The following ATP2B2 variants were observed in gnomAD, a reference collection of about 807,000 sequenced individuals.
The protein encoded by ATP2B2 is ATPase plasma membrane Ca2+ transporting 2, also known as plasma membrane calcium-transporting ATPase 2.
A neutral mutation model predicts 120.0 loss-of-function variants in ATP2B2; 15 were observed. The observed-to-expected ratio is 0.12, with a 90% CI of 0.08 to 0.19. ATP2B2 has a LOEUF of 0.19. Ranked by LOEUF, ATP2B2 falls within the 10% of genes least tolerant of loss-of-function variation. The probability of loss-of-function intolerance (pLI) is 1.00; values close to 1 mark genes in which losing one functional copy is unlikely to be tolerated. For synonymous variants in ATP2B2, 694 were observed against 700.3 expected, an observed-to-expected ratio of 0.99 and a Z score of 0.14; for missense variants, 1,045 against 1,719.8, an observed-to-expected ratio of 0.61 and a Z score of 6.94.
intron 1 of ATP2B2, among the ~76,000 whole-genome samples, chr3:10,669,983 T>A (rs1461625565): frequency 6.6e-6 from 1 of 152,222 alleles, no homozygotes; most frequent in Non-Finnish European, 1.5e-5. Context: ...AAGTCAGGCA[T>A]CTGGACTCAA....
At chr3:10,673,164 C>T (rs570501633) in intron 1 of ATP2B2, among the ~76,000 whole-genome samples, 1 of 152,292 alleles carries the variant, frequency 6.6e-6, no homozygotes, top group East Asian at 1.9e-4. Context: ...CCATCAGTTC[C>T]GTCACCATTG....
At chr3:10,623,963 T>C (rs1424650527) in intron 1 of ATP2B2, among the ~76,000 whole-genome samples, 1 of 152,046 alleles carries the variant, frequency 6.6e-6, no homozygotes, top group African/African-American at 2.4e-5. Flanking sequence ...GGGGCCCGAG[T>C]TTCCTTGTCT....
Position 10,449,367 on chromosome 3 carries a change from G to A in ATP2B2, c.177C>T (p.Arg59=), listed in dbSNP as rs761285927. 1.1e-5 allele frequency: 18 copies of A among 1,614,108 alleles called. No homozygotes were observed. Among genetic ancestry groups the A allele is most frequent in the Non-Finnish European group, 1.4e-5 (16 of 1,180,052 alleles). Reference sequence around the variant, plus strand: ...TACCTTCAACAGGTGAGGTTTTGAGGCGCCGGCAGATGGCTTCGGTGTCCC... The same window carrying A: ...TACCTTCAACAGGTGAGGTTTTGAGACGCCGGCAGATGGCTTCGGTGTCCC... ...TYGDTEAICR[R]LKTSPVEGLP... The change falls in exon 2 of 23, where the codon CGC becomes CGT. Residue 59 remains arginine, a synonymous_variant. Coordinates refer to ENST00000360273, the MANE Select transcript of ATP2B2 (RefSeq NM_001001331.4).
At chr3:10,583,193 T>C (rs928692793) in intron 2 of ATP2B2, among the ~76,000 whole-genome samples, 4 of 152,220 alleles carry the variant, frequency 2.6e-5, no homozygotes, top group African/African-American at 9.6e-5. Flanking sequence ...AAAGAGGCTG[T>C]GATATCTTGG....
chr3:10,376,275 A>C (rs1439974548), intron 10 of ATP2B2, among the ~76,000 whole-genome samples: 2 of 152,170 alleles, frequency 1.3e-5, no homozygotes, highest in Middle Eastern at 3.2e-3. Flanking sequence ...GGCCAGGATG[A>C]TGTGATAGAA....
At chr3:10,675,912 G>C (rs73037821) in intron 1 of ATP2B2, among the ~76,000 whole-genome samples, 4,618 of 152,296 alleles carry the variant, frequency 0.03, 67 homozygotes, top group South Asian at 0.092. Context: ...ATTCCTCAGA[G>C]AGGTCTTCCC....
chr3:10,447,155 G>T (rs2063864016), intron 2 of ATP2B2, among the ~76,000 whole-genome samples: 1 of 152,216 alleles, frequency 6.6e-6, no homozygotes, highest in African/African-American at 2.4e-5. Flanking sequence ...CTGTCTGAGA[G>T]CTCCCCCACC....
intron 3 of ATP2B2, among the ~76,000 whole-genome samples, chr3:10,514,995 C>T (rs2066848960): frequency 2.0e-5 from 3 of 152,214 alleles, no homozygotes; most frequent in Non-Finnish European, 4.4e-5. Context: ...GGCTGGTTAG[C>T]AGTAACCAAA....
chr3:10,524,933 C>G (rs1274958952), intron 3 of ATP2B2, among the ~76,000 whole-genome samples: 1 of 152,208 alleles, frequency 6.6e-6, no homozygotes, highest in Non-Finnish European at 1.5e-5. Flanking sequence ...CAACACTCAA[C>G]CAACACCTTG....
At chr3:10,577,144 A>G (rs2068272967) in intron 2 of ATP2B2, among the ~76,000 whole-genome samples, 2 of 151,742 alleles carry the variant, frequency 1.3e-5, no homozygotes, top group Non-Finnish European at 2.9e-5. Flanking sequence ...AAGTCCAGGC[A>G]CTGAGATCCC....
At chr3:10,586,009 A>T (rs17033124) in intron 2 of ATP2B2, among the ~76,000 whole-genome samples, 9,333 of 152,260 alleles carry the variant, frequency 0.061, 472 homozygotes, top group East Asian at 0.22. Context: ...AGTTTCTGAC[A>T]TACTGACTTT....
intron 2 of ATP2B2, among the ~76,000 whole-genome samples, chr3:10,576,946 C>T (rs181072382): frequency 0.027 from 4,008 of 149,566 alleles, 150 homozygotes; most frequent in African/African-American, 0.087. Flanking sequence ...CCCAGCTACT[C>T]GGGAGGCTGA....
rs190347156 is a variant in ATP2B2, at chr3:10,613,169, A to G, written c.-415+6748T>C. Among the ~76,000 whole-genome samples the G allele has an allele frequency of 8.3e-4, 127 of 152,282 alleles. 1 individual carries two copies. Among genetic ancestry groups the G allele is most frequent in the Non-Finnish European group, 2.2e-4 (15 of 68,022 alleles). Reference sequence around the variant, plus strand: ...GTGGAGTTTCCAGTTGGTGAACACAATGATGTTCCTGGGAGGTGATGTGCC... The same window carrying G: ...GTGGAGTTTCCAGTTGGTGAACACAGTGATGTTCCTGGGAGGTGATGTGCC... On this transcript the variant is annotated intron_variant, in intron 2 of 21. Transcript: ENST00000646379.
Position 10,337,051 on chromosome 3 carries a change from G to A in ATP2B2, c.3420+1125C>T, listed in dbSNP as rs545876630. 1.5e-4 allele frequency among the ~76,000 whole-genome samples: 23 copies of A among 152,288 alleles called. 2 individuals are homozygous for A. In the South Asian group the frequency reaches 3.7e-3, roughly 25 times the overall value. On this transcript the variant is annotated intron_variant, in intron 22 of 22. Coordinates refer to ENST00000360273, the MANE Select transcript of ATP2B2 (RefSeq NM_001001331.4). Reference sequence around the variant, plus strand: ...AACCAGGGAGGGTGAGCCCAGGCCCGTGTCAGGCACCTCCGGGTCTGAAAC... The same window carrying A: ...AACCAGGGAGGGTGAGCCCAGGCCCATGTCAGGCACCTCCGGGTCTGAAAC...
At chr3:10,475,548 A>T (rs966555327) in intron 1 of ATP2B2, among the ~76,000 whole-genome samples, 1 of 152,216 alleles carries the variant, frequency 6.6e-6, no homozygotes, top group Non-Finnish European at 1.5e-5. Flanking sequence ...ACTACTTGCC[A>T]CATGGCCTTA....
intron 3 of ATP2B2, among the ~76,000 whole-genome samples, chr3:10,515,209 A>G (rs1461819233): frequency 6.6e-6 from 1 of 152,170 alleles, no homozygotes; most frequent in Non-Finnish European, 1.5e-5. Flanking sequence ...CTATTAATAC[A>G]TCTGTAAAGT....
chr3:10,359,799 G>A (rs903979485), intron 13 of ATP2B2, 83 bp downstream of exon 13: 130 of 1,589,096 alleles, frequency 8.2e-5, no homozygotes, highest in Middle Eastern at 1.7e-4. Context: ...CCTGGATGGC[G>A]GCCAGTGCTA....
intron 2 of ATP2B2, among the ~76,000 whole-genome samples, chr3:10,562,560 C>G (rs2067926648): frequency 6.6e-6 from 1 of 152,104 alleles, no homozygotes; most frequent in Non-Finnish European, 1.5e-5. Flanking sequence ...TTTCCCTGAC[C>G]CCTCACCTCC....
In ATP2B2 at chr3:10,610,152, T is replaced by C. The variant is rs200969621; in HGVS notation, c.-415+9765A>G. Among the ~76,000 whole-genome samples, 473 of 146,160 alleles carry C rather than the reference T, an allele frequency of 3.2e-3. 15 individuals are homozygous for C. In the East Asian group the frequency reaches 0.073, roughly 23 times the overall value. On this transcript the variant is annotated intron_variant, in intron 2 of 21. Transcript: ENST00000646379. ...ATATATATACATGTATATATATATA[T>C]ATATGACAGGAAAAAATATATATCG... is the stretch of plus-strand genomic sequence containing the variant.
Sources: gnomAD v4.1 joint callset for allele counts (sites outside exome capture counted in the v4.1 genomes callset) on GRCh38, gnomAD v4.1.1 for gene constraint, MANE v1.5 for transcripts, NCBI Gene and HGNC (gene_info 2026-07-23, HGNC 2026-07-21) for gene names.